Variants in KCNT1 observed in about 807,000 individuals in gnomAD.
KCNT1 encodes potassium sodium-activated channel subfamily T member 1.
Under a neutral mutation model 147.8 loss-of-function variants are expected in KCNT1, and 78 were observed. The ratio of observed to expected loss-of-function variants is 0.53; its 90% confidence interval spans 0.44 to 0.64. The LOEUF (loss-of-function observed/expected upper bound fraction) is 0.64, where lower values mean the gene tolerates loss of function less well. Ranked by LOEUF, KCNT1 falls within the 30% of genes least tolerant of loss-of-function variation. KCNT1 has a pLI of 0.00. For missense variants in KCNT1, 1,419 were observed against 1,750.3 expected (o/e 0.81, Z 3.38); for synonymous variants, 867 against 748.8 (o/e 1.16, Z -2.58).
At chr9:135,784,729 G>A (rs1833906105) in intron 26 of KCNT1, 32 bp from the exon 27 acceptor site, 1 of 1,610,396 alleles carries the variant, frequency 6.2e-7, no homozygotes, top group Non-Finnish European at 8.5e-7. Context: ...GCTGCCACCT[G>A]CCCCAGCCAA....
At chr9:135,706,979 G>A (rs1835282336) in intron 1 of KCNT1, among the ~76,000 whole-genome samples, 1 of 151,800 alleles carries the variant, frequency 6.6e-6, no homozygotes, top group Non-Finnish European at 1.5e-5. Flanking sequence ...CCTCACTTGT[G>A]CCTCAGTTCC....
At chr9:135,779,963 A>G (rs1261951253) in intron 24 of KCNT1, among the ~76,000 whole-genome samples, 1 of 152,250 alleles carries the variant, frequency 6.6e-6, no homozygotes, top group African/African-American at 2.4e-5. Flanking sequence ...TTGTATTGAC[A>G]AGGGACGGAG....
rs1831238080 is a variant in KCNT1 at position 135,752,579 on chromosome 9, TG to T, written c.435-1355del. ...ACAGCGTCCAGGACATGGATGGGGG[TG>T]GGAAGATGGGTGGATGATGGATGGA... On this transcript the variant is annotated intron_variant, in intron 4 of 30. Transcript: ENST00000371757. This position sits in a 1 kb window ranked among gnomAD's most constrained non-coding sequence, Gnocchi z 5.1. 2.8e-6 allele frequency: 1 copy of T among 358,834 alleles called. No individual in the cohort carries two copies. The highest frequency in any genetic ancestry group is 3.6e-5 in the Admixed American group (1 of 28,052). The allele number at this position is 358,834 out of a possible 1,614,324, so 22.2% of individuals were successfully genotyped here.
chr9:135,720,637 G>T (rs1432081277), intron 2 of KCNT1, among the ~76,000 whole-genome samples: 1 of 152,186 alleles, frequency 6.6e-6, no homozygotes. Context: ...CTCTCTTGGG[G>T]CTGGGGGCGG....
At chr9:135,784,443 G>A (rs942142132) in intron 25 of KCNT1, 92 bp from the exon 26 acceptor site, 5 of 949,546 alleles carry the variant, frequency 5.3e-6, no homozygotes, top group East Asian at 5.3e-5. Flanking sequence ...GTGGGGTATG[G>A]ACCTGTGTCC....
At chr9:135,702,963 T>G (rs1835095360) in intron 1 of KCNT1, 1 of 153,880 alleles carries the variant, frequency 6.5e-6, no homozygotes, top group African/African-American at 2.4e-5. Context: ...CAGTTGAGAA[T>G]GGCATTCAGG....
At chr9:135,725,394 G>T (rs1396841341) in intron 2 of KCNT1, among the ~76,000 whole-genome samples, 1 of 152,224 alleles carries the variant, frequency 6.6e-6, no homozygotes, top group South Asian at 2.1e-4. Context: ...CTTATACGAA[G>T]AGAAGGAACA....
intron 2 of KCNT1, 82 bp from the exon 3 acceptor site, chr9:135,750,016 C>T (rs2131407456): frequency 1.8e-6 from 2 of 1,090,816 alleles, no homozygotes; most frequent in South Asian, 2.6e-5. Flanking sequence ...TGGAAGAAGT[C>T]AGTCAGGTTG....
intron 1 of KCNT1, among the ~76,000 whole-genome samples, chr9:135,710,921 C>T (rs1252433390): frequency 3.3e-5 from 5 of 152,222 alleles, no homozygotes; most frequent in Admixed American, 3.3e-4. Flanking sequence ...CTCTCAGGAA[C>T]GCTGTGCGCC....
Position 135,792,207 on chromosome 9 carries a change from G to A in KCNT1, c.*46G>A. On this transcript the variant is annotated 3_prime_UTR_variant, in exon 31 of 31. Coordinates refer to ENST00000371757, the MANE Select transcript of KCNT1 (RefSeq NM_020822.3). ...AGGCCACCAAGCCCGGGGTCCTCAG[G>A]AAGGACGTGGAGGAGCGTGTGAGGA... 6.3e-7 allele frequency: 1 copy of A among 1,582,760 alleles called. No individual in the cohort carries two copies.
At chr9:135,763,306 T>G (rs1353817170) in intron 11 of KCNT1, among the ~76,000 whole-genome samples, 1 of 149,024 alleles carries the variant, frequency 6.7e-6, no homozygotes, top group Non-Finnish European at 1.5e-5. Context: ...GCCCTTGCCC[T>G]TGGTCTCCAC....
chr9:135,750,019 T>A, intron 2 of KCNT1, 79 bp from the exon 3 acceptor site: 1 of 1,143,728 alleles, frequency 8.7e-7, no homozygotes, highest in African/African-American at 1.5e-5. Flanking sequence ...AAGAAGTCAG[T>A]CAGGTTGGGG....
At chr9:135,772,675 T>G in intron 18 of KCNT1, 40 bp from the exon 19 acceptor site, 1 of 1,331,688 alleles carries the variant, frequency 7.5e-7, no homozygotes, top group Non-Finnish European at 9.7e-7. Flanking sequence ...CCATGGAGGG[T>G]GGGAGTCGGG....
intron 2 of KCNT1, among the ~76,000 whole-genome samples, chr9:135,723,993 G>A (rs778322998): frequency 5.3e-5 from 8 of 152,174 alleles, no homozygotes; most frequent in Non-Finnish European, 1.2e-4. Context: ...CTCTGAGCCC[G>A]TCTCTTCCTC....
chr9:135,742,919 G>T, intron 2 of KCNT1: 3 of 687,106 alleles, frequency 4.4e-6, no homozygotes, highest in Non-Finnish European at 5.4e-6. Flanking sequence ...ATCCCCTGCA[G>T]CTGGGCCAGG....
chr9:135,779,297 C>T, intron 23 of KCNT1, 62 bp from the exon 24 acceptor site: 1 of 1,018,886 alleles, frequency 9.8e-7, no homozygotes, highest in Non-Finnish European at 1.5e-6. Context: ...GATCATGGGC[C>T]CCCACCCTGA....
At chr9:135,780,504 C>CAT (rs1833533068) in intron 24 of KCNT1, among the ~76,000 whole-genome samples, 1 of 152,218 alleles carries the variant, frequency 6.6e-6, no homozygotes, top group African/African-American at 2.4e-5. Context: ...ACCAAGAGCC[C>CAT]ATAGGGATCC....
At position 135,714,506 on chromosome 9, in the gene KCNT1, G is replaced by C. The variant is rs1406112048; in HGVS notation, c.111-71G>C. The C allele has an allele frequency of 2.6e-5, 25 of 955,426 alleles. No individual in the cohort carries two copies. Among genetic ancestry groups the C allele is most frequent in the Non-Finnish European group, 6.2e-6 (5 of 804,816 alleles). 59.2% of individuals were successfully genotyped at this position (955,426 alleles called of 1,614,324 possible). A position where few individuals can be genotyped will look rare whatever the true frequency, so the allele number is the denominator to read the frequency against. ...GGCTGCGCTGCGCGGGCCGGGCCTG[G>C]CGGGCCGGGGGCTGCGCGCGTCCGC... On this transcript the variant is annotated intron_variant, in intron 1 of 30. Transcript: ENST00000371757. The surrounding 1 kb of genome is among the most constrained non-coding windows in gnomAD (Gnocchi z 6.2).
chr9:135,777,854 TTCCCAGCTCCTCCCCAC>T (rs1406518841), intron 21 of KCNT1, among the ~76,000 whole-genome samples: 2 of 146,680 alleles, frequency 1.4e-5, no homozygotes, highest in African/African-American at 5.1e-5. Flanking sequence ...CTACTCTCCA[TTCCCAGCTCCTCCCCAC>T]TCCCAGCTTC....
Sources: allele counts gnomAD v4.1 joint callset (sites outside exome capture counted in the v4.1 genomes callset), GRCh38; gene constraint gnomAD v4.1.1; non-coding constraint Gnocchi (gnomAD v3.1); transcripts MANE v1.5; gene names NCBI Gene and HGNC (gene_info 2026-07-23, HGNC 2026-07-21).